Variants in BCL11A observed in about 807,000 individuals in gnomAD.
BCL11A encodes B cell CLL/lymphoma 11A.
Under a neutral mutation model 55.9 loss-of-function variants are expected in BCL11A, and 2 were observed. The observed-to-expected ratio is 0.04, with a 90% CI of 0.01 to 0.11. The LOEUF is 0.11. Ranked by LOEUF, BCL11A falls within the 10% of genes least tolerant of loss-of-function variation. BCL11A has a pLI of 1.00. For synonymous variants in BCL11A, 465 were observed against 473.4 expected (o/e 0.98, Z 0.23); for missense variants, 817 against 1,137.1 (o/e 0.72, Z 4.05).
At chr2:60,543,807 G>A (rs1196953560) in intron 2 of BCL11A, 1 of 152,190 alleles carries the variant, frequency 6.6e-6, no homozygotes, top group Non-Finnish European at 1.5e-5. Context: ...TGCGCCCATT[G>A]AATATCTTAG....
At chr2:60,497,557 G>T (rs760036951) in intron 2 of BCL11A, among the ~76,000 whole-genome samples, 5 of 151,954 alleles carry the variant, frequency 3.3e-5, no homozygotes, top group Non-Finnish European at 7.4e-5. Flanking sequence ...AAACTCAATC[G>T]GCTCTTACCA....
At chr2:60,552,251 TTTTA>T (rs2104794884) in intron 1 of BCL11A, among the ~76,000 whole-genome samples, 1 of 152,208 alleles carries the variant, frequency 6.6e-6, no homozygotes, top group Non-Finnish European at 1.5e-5. Context: ...GTTTTATTTA[TTTTA>T]TTTTTATGTA....
intron 2 of BCL11A, chr2:60,538,516 G>A (rs1415650246): frequency 6.6e-6 from 1 of 152,048 alleles, no homozygotes; most frequent in Non-Finnish European, 1.5e-5. Flanking sequence ...ACGTTTTGTG[G>A]ATCTACCACA....
intron 2 of BCL11A, among the ~76,000 whole-genome samples, chr2:60,519,909 G>T (rs1221635367): frequency 6.6e-6 from 1 of 152,172 alleles, no homozygotes; most frequent in African/African-American, 2.4e-5. Context: ...GGCTATGCTT[G>T]GATAATTCTC....
intron 2 of BCL11A, among the ~76,000 whole-genome samples, chr2:60,506,648 G>A (rs1182854038): frequency 2.0e-5 from 3 of 152,208 alleles, no homozygotes; most frequent in African/African-American, 2.4e-5. Context: ...CTAAGAAAAC[G>A]ACCGTGCCCA....
chr2:60,464,351 A>G (rs1240970694), intron 3 of BCL11A, among the ~76,000 whole-genome samples: 1 of 152,212 alleles, frequency 6.6e-6, no homozygotes, highest in East Asian at 1.9e-4. Flanking sequence ...TTCATTGAGA[A>G]CATTTTTATA....
chr2:60,546,133 G>A lies in BCL11A; in HGVS notation c.223C>T (p.Leu75Phe). Reference protein sequence around the residue: ...EHKRKQCNGSLCLEKAVDKPP... With the variant: ...EHKRKQCNGSFCLEKAVDKPP... ...TTATCCACAGCTTTTTCTAAGCAGA[G>A]GCTGCCATTGCATTGTTTCCGTTTG... Residue 75 changes from leucine to phenylalanine, a missense_variant, in exon 2 of 4, where the codon CTC becomes TTC. By Grantham distance (22) the Leu-to-Phe change is conservative (BLOSUM62 0). Coordinates refer to ENST00000642384, the MANE Select transcript of BCL11A (RefSeq NM_022893.4). The surrounding 1 kb of genome is among the most constrained non-coding windows in gnomAD (Gnocchi z 4.1). 6.2e-7 allele frequency: 1 copy of A among 1,614,198 alleles called. No homozygotes were observed. The highest frequency in any genetic ancestry group is 8.5e-7 in the Non-Finnish European group (1 of 1,180,036).
At chr2:60,498,918 C>T (rs1040799031) in intron 2 of BCL11A, among the ~76,000 whole-genome samples, 7 of 133,264 alleles carry the variant, frequency 5.3e-5, no homozygotes, top group Admixed American at 1.8e-4. Flanking sequence ...CCAGAAACTA[C>T]GTTTGTCTAA....
At chr2:60,545,667 T>C in intron 2 of BCL11A, 1 of 352,434 alleles carries the variant, frequency 2.8e-6, no homozygotes, top group Non-Finnish European at 5.3e-6. Context: ...TAAAGCTCAA[T>C]ACTTCAAAAT....
At chr2:60,524,654 ATC>A (rs2104583004) in intron 2 of BCL11A, 1 of 152,228 alleles carries the variant, frequency 6.6e-6, no homozygotes, top group African/African-American at 2.4e-5. Flanking sequence ...GAAGCTATAG[ATC>A]TCAAGAGTGC....
chr2:60,475,636 C>T (rs538895570), intron 2 of BCL11A, among the ~76,000 whole-genome samples: 7 of 152,166 alleles, frequency 4.6e-5, no homozygotes, highest in Non-Finnish European at 8.8e-5. Flanking sequence ...CAAATTTCCC[C>T]TCTTTCTTCT....
rs561865632 is a variant in BCL11A at position 60,521,280 on chromosome 2, A to T, written c.385+24691T>A. 4.6e-5 allele frequency among the ~76,000 whole-genome samples: 7 copies of T among 152,374 alleles called. No homozygotes were observed. In the East Asian group the frequency reaches 1.3e-3, roughly 29 times the overall value. On this transcript the variant is annotated intron_variant, in intron 2 of 3. Transcript: ENST00000642384. ...TGGCAGCTAAAAGCGCCACTCTCAG[A>T]TAACTGAGTGACACTTGCTAATAAT...
intron 2 of BCL11A, among the ~76,000 whole-genome samples, chr2:60,498,071 T>TG: frequency 6.6e-6 from 1 of 151,390 alleles, no homozygotes; most frequent in Non-Finnish European, 1.5e-5. Flanking sequence ...GTCTTCTCTT[T>TG]GGGGGAGGAC....
chr2:60,479,289 G>A (rs964649845), intron 2 of BCL11A, among the ~76,000 whole-genome samples: 1 of 152,196 alleles, frequency 6.6e-6, no homozygotes, highest in African/African-American at 2.4e-5. Context: ...TGGACACCTG[G>A]CCTCTGCGGG....
chr2:60,487,689 C>A (rs1042972857), intron 2 of BCL11A, among the ~76,000 whole-genome samples: 34 of 152,196 alleles, frequency 2.2e-4, no homozygotes, highest in African/African-American at 8.0e-4. Flanking sequence ...TTCAAAGTAA[C>A]CATTTCCCAC....
At chr2:60,492,368 AAAAC>A (rs10646649) in intron 2 of BCL11A, among the ~76,000 whole-genome samples, 12 of 151,704 alleles carry the variant, frequency 7.9e-5, no homozygotes, top group African/African-American at 1.7e-4. Flanking sequence ...CCCTGTCTCA[AAAAC>A]AAACAAACAA....
At chr2:60,515,445 C>T (rs1214763260) in intron 2 of BCL11A, among the ~76,000 whole-genome samples, 1 of 152,156 alleles carries the variant, frequency 6.6e-6, no homozygotes, top group Non-Finnish European at 1.5e-5. Context: ...TCCTGCCCTC[C>T]AAAAGGTTAT....
intron 2 of BCL11A, among the ~76,000 whole-genome samples, chr2:60,504,130 G>A (rs1030270009): frequency 6.6e-6 from 1 of 152,190 alleles, no homozygotes; most frequent in African/African-American, 2.4e-5. Context: ...TCTCCTCTTT[G>A]ACTCACACTT....
At chr2:60,507,762 G>T (rs1465047059) in intron 2 of BCL11A, among the ~76,000 whole-genome samples, 1 of 152,046 alleles carries the variant, frequency 6.6e-6, no homozygotes, top group Non-Finnish European at 1.5e-5. Flanking sequence ...AGCGGGTGGG[G>T]TGGGGGGCGA....
Sources: gnomAD v4.1 joint callset for allele counts (sites outside exome capture counted in the v4.1 genomes callset) on GRCh38, gnomAD v4.1.1 for gene constraint, Gnocchi (gnomAD v3.1) non-coding constraint, MANE v1.5 for transcripts, NCBI Gene and HGNC (gene_info 2026-07-23, HGNC 2026-07-21) for gene names.